Variants in NXPH1 observed in about 807,000 individuals in gnomAD.
NXPH1 encodes the protein neurexophilin-1.
In NXPH1, 5 loss-of-function variants were observed where a neutral mutation model predicts 23.7. The ratio of observed to expected loss-of-function variants is 0.21; its 90% confidence interval spans 0.11 to 0.44. The LOEUF is 0.44. NXPH1 is among the 20% of genes least tolerant of loss of function. The pLI is 0.99. For synonymous variants in NXPH1, 144 were observed against 122.2 expected (o/e 1.18, Z -1.18); for missense variants, 324 against 321.6 (o/e 1.01, Z -0.06).
At chr7:8,541,576 A>G (rs2189458) in intron 2 of NXPH1, among the ~76,000 whole-genome samples, 50,397 of 151,326 alleles carry the variant, frequency 0.33, 8,995 homozygotes, top group East Asian at 0.68. Context: ...AGGGAAGGGC[A>G]TTAAAACTGG....
chr7:8,494,054 A>G (rs1024850601), intron 2 of NXPH1, among the ~76,000 whole-genome samples: 25 of 152,182 alleles, frequency 1.6e-4, no homozygotes, highest in African/African-American at 6.0e-4. Flanking sequence ...ATAGTATCCT[A>G]GATTTTTTCC....
At chr7:8,737,026 G>T (rs1780269733) in intron 2 of NXPH1, among the ~76,000 whole-genome samples, 1 of 151,770 alleles carries the variant, frequency 6.6e-6, no homozygotes, top group Non-Finnish European at 1.5e-5. Context: ...GTGCGTGTGT[G>T]TTTGCATGTC....
intron 2 of NXPH1, among the ~76,000 whole-genome samples, chr7:8,478,362 G>T (rs1319485138): frequency 6.6e-6 from 1 of 151,514 alleles, no homozygotes; most frequent in African/African-American, 2.4e-5. Flanking sequence ...GCAATGAGGG[G>T]GTGTAACTCC....
At chr7:8,525,587 T>A (rs1272289242) in intron 2 of NXPH1, among the ~76,000 whole-genome samples, 1 of 151,808 alleles carries the variant, frequency 6.6e-6, no homozygotes, top group Non-Finnish European at 1.5e-5. Context: ...GAGGAAAAAG[T>A]GGTTTCATGG....
chr7:8,599,851 T>G (rs544788810), intron 2 of NXPH1, among the ~76,000 whole-genome samples: 9 of 151,902 alleles, frequency 5.9e-5, no homozygotes, highest in African/African-American at 2.2e-4. Flanking sequence ...TGGTATTAGT[T>G]TAGTAGCAAA....
intron 2 of NXPH1, among the ~76,000 whole-genome samples, chr7:8,694,640 G>T (rs1583233839): frequency 6.6e-6 from 1 of 151,820 alleles, no homozygotes; most frequent in Admixed American, 6.6e-5. Context: ...ATATGTTCTA[G>T]CAGGAAAGGA....
At chr7:8,470,573 G>A (rs1816856466) in intron 2 of NXPH1, among the ~76,000 whole-genome samples, 1 of 152,130 alleles carries the variant, frequency 6.6e-6, no homozygotes, top group Non-Finnish European at 1.5e-5. Context: ...CTCAGGAAAA[G>A]GTAGACCTGG....
At chr7:8,668,913 T>A (rs1820823892) in intron 2 of NXPH1, among the ~76,000 whole-genome samples, 1 of 151,886 alleles carries the variant, frequency 6.6e-6, no homozygotes, top group Admixed American at 6.5e-5. Flanking sequence ...TGAAGCCAGA[T>A]TCGACTCTGG....
intron 2 of NXPH1, among the ~76,000 whole-genome samples, chr7:8,453,473 GT>G (rs1221387307): frequency 3.9e-5 from 6 of 152,066 alleles, no homozygotes; most frequent in Non-Finnish European, 7.4e-5. Flanking sequence ...CAGTGGGGTT[GT>G]TTTATAAACT....
chr7:8,458,999 C>A (rs1816646637), intron 2 of NXPH1, among the ~76,000 whole-genome samples: 1 of 152,054 alleles, frequency 6.6e-6, no homozygotes, highest in African/African-American at 2.4e-5. Flanking sequence ...GTCTTGGGAG[C>A]ATTCTTACTC....
intron 2 of NXPH1, among the ~76,000 whole-genome samples, chr7:8,437,975 A>G (rs1391500959): frequency 6.6e-6 from 1 of 152,258 alleles, no homozygotes; most frequent in Non-Finnish European, 1.5e-5. Context: ...GTCGGGGACT[A>G]GAAACCACAT....
chr7:8,526,235 T>C (rs898695253), intron 2 of NXPH1, among the ~76,000 whole-genome samples: 4 of 152,248 alleles, frequency 2.6e-5, no homozygotes, highest in Admixed American at 2.6e-4. Context: ...TGGACTTGCA[T>C]GGGCCCTGTA....
intron 2 of NXPH1, among the ~76,000 whole-genome samples, chr7:8,606,950 G>C (rs1819506428): frequency 6.6e-6 from 1 of 151,926 alleles, no homozygotes; most frequent in African/African-American, 2.4e-5. Context: ...TAATTTTATT[G>C]ATTGCTTGAT....
intron 2 of NXPH1, among the ~76,000 whole-genome samples, chr7:8,577,769 G>A (rs1379769259): frequency 3.3e-5 from 5 of 152,176 alleles, no homozygotes; most frequent in Non-Finnish European, 7.3e-5. Context: ...GTGATGATGT[G>A]TGATTTTCAA....
chr7:8,492,370 T>C (rs915373196), intron 2 of NXPH1, among the ~76,000 whole-genome samples: 1 of 152,044 alleles, frequency 6.6e-6, no homozygotes, highest in Non-Finnish European at 1.5e-5. Flanking sequence ...TTTAGCCATG[T>C]AAGAGCTGTG....
chr7:8,462,819 T>C (rs544661186), intron 2 of NXPH1, among the ~76,000 whole-genome samples: 2 of 152,368 alleles, frequency 1.3e-5, no homozygotes, highest in East Asian at 3.9e-4. Context: ...ATCACTGTTA[T>C]TTATCTGTGT....
chr7:8,554,144 G>A (rs1047236295), intron 2 of NXPH1, among the ~76,000 whole-genome samples: 13 of 151,062 alleles, frequency 8.6e-5, no homozygotes, highest in African/African-American at 2.7e-4. Flanking sequence ...GGGACTCAGG[G>A]AGCTTATAAC....
chr7:8,539,961 C>T (rs1459585250), intron 2 of NXPH1, among the ~76,000 whole-genome samples: 1 of 151,586 alleles, frequency 6.6e-6, no homozygotes, highest in Non-Finnish European at 1.5e-5. Flanking sequence ...GACAGTAAAC[C>T]TTTATATTTT....
intron 2 of NXPH1, among the ~76,000 whole-genome samples, chr7:8,631,454 A>G (rs1820126958): frequency 6.6e-6 from 1 of 152,248 alleles, no homozygotes; most frequent in Admixed American, 6.5e-5. Flanking sequence ...AGAGCTGCAC[A>G]GCAAAATAAA....
Sources: gnomAD v4.1 joint callset for allele counts (sites outside exome capture counted in the v4.1 genomes callset) on GRCh38, gnomAD v4.1.1 for gene constraint, MANE v1.5 for transcripts, NCBI Gene and HGNC (gene_info 2026-07-23, HGNC 2026-07-21) for gene names.